TNPO2: variants seen among roughly 807,000 people sequenced by gnomAD.
TNPO2 encodes transportin-2.
TNPO2 carries 16 observed loss-of-function variants against 111.1 expected under a neutral mutation model. That is an observed-to-expected ratio of 0.14 (90% CI 0.10 to 0.22). TNPO2 has a LOEUF of 0.22. Ranked by LOEUF, TNPO2 falls within the 10% of genes least tolerant of loss-of-function variation. TNPO2 has a pLI of 1.00. For synonymous variants in TNPO2, 481 were observed against 475.8 expected, an observed-to-expected ratio of 1.01 and a Z score of -0.14; for missense variants, 530 against 1,173.7, an observed-to-expected ratio of 0.45 and a Z score of 8.01.
Position 12,702,216 on chromosome 19 carries a change from G to A in TNPO2, c.2306-39C>T, listed in dbSNP as rs754683714. 1 of 1,563,342 alleles carries A rather than the reference G, an allele frequency of 6.4e-7. No individual in the cohort carries two copies. Among genetic ancestry groups the A allele is most frequent in the Admixed American group, 1.8e-5 (1 of 55,466 alleles). On this transcript the variant is annotated intron_variant, in intron 21 of 25. Coordinates refer to ENST00000425528, the MANE Select transcript of TNPO2 (RefSeq NM_001382241.1). The surrounding 1 kb of genome is among the most constrained non-coding windows in gnomAD (Gnocchi z 5.5). ...CGGCCCCGGGACGGTACGTGGCGGG[G>A]CCTCTGGCACAAGGCACCAAGCCCC... is the stretch of plus-strand genomic sequence containing the variant.
intron 5 of TNPO2, among the ~76,000 whole-genome samples, chr19:12,716,706 G>A (rs1401808372): frequency 6.6e-6 from 1 of 152,190 alleles, no homozygotes; most frequent in African/African-American, 2.4e-5. Flanking sequence ...AAAAGATGGT[G>A]AGAAAGGGCT....
chr19:12,701,577 A>G lies in TNPO2; in HGVS notation c.2586+21T>C. 6.3e-7 allele frequency: 1 copy of G among 1,596,900 alleles called. No homozygotes were observed. The highest frequency in any genetic ancestry group is 8.6e-7 in the Non-Finnish European group (1 of 1,164,590). On this transcript the variant is annotated intron_variant, in intron 24 of 25. Coordinates refer to ENST00000425528, the MANE Select transcript of TNPO2 (RefSeq NM_001382241.1). The surrounding 1 kb of genome is among the most constrained non-coding windows in gnomAD (Gnocchi z 5.0). The stretch of plus-strand genomic sequence containing the variant: ...CCCTGCCTGCTCCCGGAACTAGATC[A>G]GGGCCCAGACAGAGCCTCACCTTAT...
chr19:12,701,248 A>G lies in TNPO2; in HGVS notation c.*21-5T>C. ...GACGACGACGCAGACAGAAACCTGC[A>G]GGGGGAGGAGGAAGGTCATGGCCTG... On this transcript the variant is annotated splice_polypyrimidine_tract_variant and splice_region_variant and intron_variant, in intron 25 of 25. Coordinates refer to ENST00000425528, the MANE Select transcript of TNPO2 (RefSeq NM_001382241.1). This position sits in a 1 kb window ranked among gnomAD's most constrained non-coding sequence, Gnocchi z 5.0. The G allele has an allele frequency of 2.1e-6, 2 of 937,430 alleles. No individual in the cohort carries two copies. Among genetic ancestry groups the G allele is most frequent in the Non-Finnish European group, 3.3e-6 (2 of 609,742 alleles). 58.1% of individuals were successfully genotyped at this position (937,430 alleles called of 1,614,324 possible).
At chr19:12,722,562 A>T (rs35495637) in intron 2 of TNPO2, 21 of 108,694 alleles carry the variant, frequency 1.9e-4, no homozygotes, top group Non-Finnish European at 2.7e-4. Context: ...AGAGAGAATT[A>T]AAAAAAAAAA....
At chr19:12,707,539 G>A (rs532162275) in intron 13 of TNPO2, among the ~76,000 whole-genome samples, 2 of 121,918 alleles carry the variant, frequency 1.6e-5, no homozygotes, top group African/African-American at 3.1e-5. Context: ...GCCCAGGCTA[G>A]AGTGCAGTGG....
rs918557259 is a variant in TNPO2 at position 12,706,050 on chromosome 19, G to A, written c.1668+146C>T. On this transcript the variant is annotated intron_variant, in intron 15 of 25. Coordinates refer to ENST00000425528, the MANE Select transcript of TNPO2 (RefSeq NM_001382241.1). The surrounding 1 kb of genome is among the most constrained non-coding windows in gnomAD (Gnocchi z 7.0). ...CTGTCTTTCTCCCCCACTAGACTGG[G>A]AGCAGGGCGAGGGCGGGGCCGGGTC... The A allele has an allele frequency of 1.1e-6, 1 of 891,096 alleles. No individual in the cohort carries two copies. The highest frequency in any genetic ancestry group is 1.7e-6 in the Non-Finnish European group (1 of 596,752). 55.2% of individuals were successfully genotyped at this position (891,096 alleles called of 1,614,324 possible).
At position 12,711,312 on chromosome 19, in the gene TNPO2, C is replaced by T. The variant is rs1402322658; in HGVS notation, c.1101G>A (p.Leu367=). ...GGCACACACTCAAATTCCAGTCGGA[C>T]AGAGCATCATCATCATCGTCATCCT... ...DAEDDDDDDA[L]SDWNLRKCSA... is the part of the protein sequence containing the mutation. Residue 367 remains leucine, a synonymous_variant, in exon 12 of 26, where the codon CTG becomes CTA. Transcript: ENST00000425528. 1.9e-6 allele frequency: 3 copies of T among 1,613,654 alleles called. No homozygotes were observed. The highest frequency in any genetic ancestry group is 1.3e-5 in the African/African-American group (1 of 74,940).
chr19:12,717,033 G>C (rs941260811), intron 5 of TNPO2, among the ~76,000 whole-genome samples: 4 of 152,104 alleles, frequency 2.6e-5, no homozygotes, highest in African/African-American at 7.2e-5. Context: ...GACAGAGCTG[G>C]ATATGGGTTC....
At position 12,715,229 on chromosome 19, in the gene TNPO2, G is replaced by A. The variant is rs1297426703; in HGVS notation, c.648+14C>T. On this transcript the variant is annotated intron_variant, in intron 8 of 25. Transcript: ENST00000425528. The surrounding 1 kb of genome is among the most constrained non-coding windows in gnomAD (Gnocchi z 7.1). ...TCAGTCCTCGCCCTGCCCACCCCCA[G>A]CCCAGCGGCCCACCTCGATGAAGGT... The A allele has an allele frequency of 6.2e-7, 1 of 1,613,784 alleles. No homozygotes were observed. The highest frequency in any genetic ancestry group is 8.5e-7 in the Non-Finnish European group (1 of 1,179,798).
intron 3 of TNPO2, among the ~76,000 whole-genome samples, chr19:12,720,124 C>A (rs930570223): frequency 6.6e-6 from 1 of 152,136 alleles, no homozygotes; most frequent in African/African-American, 2.4e-5. Flanking sequence ...TCAAGCGATT[C>A]TCCTGCCTCA....
At chr19:12,708,335 T>C (rs1170262490) in intron 13 of TNPO2, among the ~76,000 whole-genome samples, 1 of 151,850 alleles carries the variant, frequency 6.6e-6, no homozygotes, top group Non-Finnish European at 1.5e-5. Flanking sequence ...TTTTGCCATG[T>C]TGGCCATGCT....
chr19:12,715,570 G>T lies in TNPO2; in HGVS notation c.433-32C>A. The T allele has an allele frequency of 1.9e-6, 3 of 1,613,596 alleles. No individual in the cohort carries two copies. The highest frequency in any genetic ancestry group is 1.7e-6 in the Non-Finnish European group (2 of 1,179,586). On this transcript the variant is annotated intron_variant, in intron 6 of 25. Transcript: ENST00000425528. This position sits in a 1 kb window ranked among gnomAD's most constrained non-coding sequence, Gnocchi z 7.1. The stretch of plus-strand genomic sequence containing the variant: ...GCAGAGGGGCAGAGAGACAAACGTG[G>T]GTGGTGGGTGGTGGTCCCAGCCCCC...
chr19:12,703,063 G>A lies in TNPO2; in HGVS notation c.2210-145C>T, dbSNP rs2025415750. On this transcript the variant is annotated intron_variant, in intron 20 of 25. Coordinates refer to ENST00000425528, the MANE Select transcript of TNPO2 (RefSeq NM_001382241.1). Reference sequence around the variant, plus strand: ...GTGAGGAAACAAAAGACCTTCTCCGGCTAATCCCCACCCAGAATCCCTGGC... The same window carrying A: ...GTGAGGAAACAAAAGACCTTCTCCGACTAATCCCCACCCAGAATCCCTGGC... 15 of 708,876 alleles carry A rather than the reference G, an allele frequency of 2.1e-5. No homozygotes were observed. The South Asian group carries it at 2.7e-4, about 13-fold the overall frequency. 43.9% of individuals were successfully genotyped at this position (708,876 alleles called of 1,614,324 possible).
intron 18 of TNPO2, among the ~76,000 whole-genome samples, chr19:12,704,414 G>C (rs180826887): frequency 6.6e-5 from 10 of 152,262 alleles, no homozygotes; most frequent in Admixed American, 6.5e-4. Context: ...GTTTGCATAT[G>C]CACCTATGCA....
Position 12,701,275 on chromosome 19 carries a change from G to T in TNPO2, c.*21-32C>A. 7.8e-7 allele frequency: 1 copy of T among 1,288,800 alleles called. No homozygotes were observed. Among genetic ancestry groups the T allele is most frequent in the Non-Finnish European group, 1.1e-6 (1 of 900,832 alleles). 79.8% of individuals were successfully genotyped at this position (1,288,800 alleles called of 1,614,324 possible). ...GGGGAGGAGGAAGGTCATGGCCTGG[G>T]ACCTTTCGGCCCCCAAGACAGTGCT... On this transcript the variant is annotated intron_variant, in intron 25 of 25. Coordinates refer to ENST00000425528, the MANE Select transcript of TNPO2 (RefSeq NM_001382241.1). The surrounding 1 kb of genome is among the most constrained non-coding windows in gnomAD (Gnocchi z 5.0).
At chr19:12,713,713 G>T (rs1337176581) in intron 10 of TNPO2, among the ~76,000 whole-genome samples, 1 of 151,814 alleles carries the variant, frequency 6.6e-6, no homozygotes, top group Non-Finnish European at 1.5e-5. Context: ...CTCAAAAACA[G>T]AAATTTCAAA....
At position 12,705,204 on chromosome 19, in the gene TNPO2, T is replaced by C. The variant is rs376801367; in HGVS notation, c.2022+36A>G. The C allele has an allele frequency of 1.2e-5, 19 of 1,580,632 alleles. No individual in the cohort carries two copies. Among genetic ancestry groups the C allele is most frequent in the Non-Finnish European group, 1.5e-5 (18 of 1,163,292 alleles). On this transcript the variant is annotated intron_variant, in intron 18 of 25. Transcript: ENST00000425528. The surrounding 1 kb of genome is among the most constrained non-coding windows in gnomAD (Gnocchi z 7.2). ...CCCACCAGGGGCAGCCCACGCAGGC[T>C]GCTGGGTGTCATCACTGTCCAGGGT... is the stretch of plus-strand genomic sequence containing the variant.
rs2026654974 is a variant in TNPO2 at position 12,720,952 on chromosome 19, C to A, written c.26G>T (p.Gly9Val). 3 of 1,595,878 alleles carry A rather than the reference C, an allele frequency of 1.9e-6. No individual in the cohort carries two copies. The highest frequency in any genetic ancestry group is 2.3e-5 in the East Asian group (1 of 44,168). The change falls in exon 3 of 26, where the codon GGC becomes GTC. Residue 9 changes from glycine (G) to valine (V), a missense_variant. This residue lies in a region of TNPO2 where 156 missense variants were observed against 405.8 expected (regional missense o/e 0.38). Coordinates refer to ENST00000425528, the MANE Select transcript of TNPO2 (RefSeq NM_001382241.1). ...GAGCAGCTGCAGGACCTGCTGCAGG[C>A]CCTGCTCGTCTGGCTGCCAGTCCAT... The part of the protein sequence containing the change: MDWQPDEQ[G>V]LQQVLQLLKD...
At position 12,701,880 on chromosome 19, in the gene TNPO2, G is replaced by A. The variant is rs755279115; in HGVS notation, c.2412-29C>T. On this transcript the variant is annotated intron_variant, in intron 22 of 25. Coordinates refer to ENST00000425528, the MANE Select transcript of TNPO2 (RefSeq NM_001382241.1). This position sits in a 1 kb window ranked among gnomAD's most constrained non-coding sequence, Gnocchi z 5.0. ...TGGGAAGGTGAGCAGCTGGAGGTCA[G>A]AGGGCAGGCTGGGCATGCATCTGTG... 1.3e-6 allele frequency: 2 copies of A among 1,589,602 alleles called. No homozygotes were observed. The highest frequency in any genetic ancestry group is 1.3e-5 in the African/African-American group (1 of 74,590).
Sources: gnomAD v4.1 joint callset for allele counts (sites outside exome capture counted in the v4.1 genomes callset) on GRCh38, gnomAD v4.1.1 for gene constraint, gnomAD v4.1.1 regional missense constraint, Gnocchi (gnomAD v3.1) non-coding constraint, MANE v1.5 for transcripts, NCBI Gene and HGNC (gene_info 2026-07-23, HGNC 2026-07-21) for gene names.